Variants in IARS2 observed in about 807,000 individuals in gnomAD.
The protein encoded by IARS2 is isoleucine--tRNA ligase, mitochondrial.
Under a neutral mutation model 126.3 loss-of-function variants are expected in IARS2, and 56 were observed. The observed-to-expected ratio is 0.44, with a 90% confidence interval of 0.36 to 0.55. The LOEUF is 0.55. Ranked by LOEUF, IARS2 falls within the 20% of genes least tolerant of loss-of-function variation. The pLI, the probability that IARS2 is intolerant of heterozygous loss-of-function variation, is 0.00. For synonymous variants in IARS2, 407 were observed against 441.1 expected (o/e 0.92, Z 0.97); for missense variants, 1,127 against 1,245.9 (o/e 0.90, Z 1.44).
At chr1:220,104,309 CT>C (rs1656637200) in intron 8 of IARS2, among the ~76,000 whole-genome samples, 1 of 151,918 alleles carries the variant, frequency 6.6e-6, no homozygotes, top group South Asian at 2.1e-4. Context: ...TAATTTGGGA[CT>C]TTTGAGGTAG....
At chr1:220,117,263 C>T (rs1052957586) in intron 12 of IARS2, among the ~76,000 whole-genome samples, 3 of 142,086 alleles carry the variant, frequency 2.1e-5, no homozygotes, top group Non-Finnish European at 1.5e-5. Flanking sequence ...ACGATCTCAG[C>T]TCACTGCAAT....
At chr1:220,122,319 G>A (rs549808806) in intron 12 of IARS2, among the ~76,000 whole-genome samples, 2 of 152,258 alleles carry the variant, frequency 1.3e-5, no homozygotes, top group East Asian at 3.9e-4. Flanking sequence ...TGGACTTAGT[G>A]CTTGCTGTGT....
intron 10 of IARS2, among the ~76,000 whole-genome samples, chr1:220,109,061 C>T (rs543209277): frequency 1.0e-3 from 155 of 151,992 alleles, no homozygotes; most frequent in African/African-American, 3.6e-3. Context: ...GAAACCTTAT[C>T]GGAAAGTGGG....
intron 2 of IARS2, among the ~76,000 whole-genome samples, chr1:220,098,450 C>A (rs1051948535): frequency 3.9e-5 from 6 of 152,158 alleles, no homozygotes; most frequent in African/African-American, 1.4e-4. Context: ...AATGGTACCA[C>A]CCCCAGCCCC....
At chr1:220,138,613 A>G (rs1385662942) in intron 17 of IARS2, among the ~76,000 whole-genome samples, 1 of 151,602 alleles carries the variant, frequency 6.6e-6, no homozygotes, top group Non-Finnish European at 1.5e-5. Context: ...GATTATATTA[A>G]TTTTGTATAC....
intron 19 of IARS2, among the ~76,000 whole-genome samples, chr1:220,141,201 T>C (rs1657485934): frequency 6.6e-6 from 1 of 152,202 alleles, no homozygotes; most frequent in Non-Finnish European, 1.5e-5. Flanking sequence ...TCATCACTAC[T>C]AATATCAGAC....
At chr1:220,124,861 G>A (rs1463291470) in intron 12 of IARS2, among the ~76,000 whole-genome samples, 1 of 152,172 alleles carries the variant, frequency 6.6e-6, no homozygotes, top group Admixed American at 6.5e-5. Flanking sequence ...TAGTTTTGAG[G>A]GAATGAGGTT....
In IARS2 at chr1:220,143,091, T is replaced by C. The variant is rs1657521613; in HGVS notation, c.2708T>C (p.Val903Ala). The change falls in exon 21 of 23, where the codon GTT becomes GCT. Residue 903 changes from valine to alanine, a missense_variant. Transcript: ENST00000366922. The stretch of plus-strand genomic sequence containing the variant: ...GGCAAAAATGCAGCTGAGTACAAGG[T>C]TATCACTGTGATAGAACCTGGACTG... The part of the protein sequence containing the change: ...IPGKNAAEYK[V>A]ITVIEPGLLF... 6.2e-7 allele frequency: 1 copy of C among 1,613,950 alleles called. No homozygotes were observed. Among genetic ancestry groups the C allele is most frequent in the Non-Finnish European group, 8.5e-7 (1 of 1,179,958 alleles).
chr1:220,147,392 C>A, intron 22 of IARS2, 101 bp from the exon 23 acceptor site: 1 of 1,106,552 alleles, frequency 9.0e-7, no homozygotes, highest in Non-Finnish European at 1.3e-6. Flanking sequence ...TTTACCAAGG[C>A]AGGACAAAAG....
chr1:220,147,441 G>C, intron 22 of IARS2, 52 bp from the exon 23 acceptor site: 1 of 1,562,670 alleles, frequency 6.4e-7, no homozygotes, highest in South Asian at 1.1e-5. Context: ...TTAAGAAACA[G>C]TGTTACAAGT....
intron 11 of IARS2, among the ~76,000 whole-genome samples, chr1:220,113,130 G>A (rs1656844717): frequency 6.6e-6 from 1 of 152,138 alleles, no homozygotes; most frequent in Non-Finnish European, 1.5e-5. Context: ...CTCCCAAAGT[G>A]CTGGGATTAC....
At chr1:220,115,602 A>T (rs1656898341) in intron 12 of IARS2, among the ~76,000 whole-genome samples, 1 of 152,024 alleles carries the variant, frequency 6.6e-6, no homozygotes, top group Non-Finnish European at 1.5e-5. Context: ...TAAGTGATTT[A>T]TAGTAAATTT....
In IARS2 at chr1:220,094,423, G is replaced by C; in HGVS notation, c.207G>C (p.Thr69=). The part of the protein sequence containing the change: ...RYRDTVLLPQ[T]SFPMKLLGRQ... Reference sequence around the variant, plus strand: ...GGGACACGGTGCTGCTGCCGCAGACGAGCTTCCCCATGAAGCTGCTGGGCC... The same window carrying C: ...GGGACACGGTGCTGCTGCCGCAGACCAGCTTCCCCATGAAGCTGCTGGGCC... The change falls in exon 1 of 23, where the codon ACG becomes ACC. Residue 69 remains threonine (T), a synonymous_variant. Transcript: ENST00000366922. 6.2e-7 allele frequency: 1 copy of C among 1,611,858 alleles called. No individual in the cohort carries two copies. The highest frequency in any genetic ancestry group is 8.5e-7 in the Non-Finnish European group (1 of 1,179,422).
At chr1:220,102,332 A>G (rs773738046) in intron 4 of IARS2, 31 bp from the exon 5 acceptor site, 9 of 1,609,956 alleles carry the variant, frequency 5.6e-6, no homozygotes, top group Middle Eastern at 1.7e-4. Context: ...ACAAGATTCT[A>G]CTTTTAACAT....
intron 22 of IARS2, among the ~76,000 whole-genome samples, chr1:220,146,517 C>CAAAAAAA (rs1186000971): frequency 6.0e-4 from 37 of 62,006 alleles, no homozygotes; most frequent in African/African-American, 1.2e-3. Context: ...GACTCCGTCT[C>CAAAAAAA]AAAAAAAAAA....
At chr1:220,116,995 C>T (rs1656925358) in intron 12 of IARS2, among the ~76,000 whole-genome samples, 1 of 151,986 alleles carries the variant, frequency 6.6e-6, no homozygotes, top group Admixed American at 6.6e-5. Flanking sequence ...ATCCATCCAC[C>T]TCTGCCTCCC....
intron 22 of IARS2, among the ~76,000 whole-genome samples, chr1:220,146,177 A>G (rs534619359): frequency 3.9e-5 from 6 of 152,152 alleles, no homozygotes; most frequent in Non-Finnish European, 8.8e-5. Flanking sequence ...AAGATTTTAA[A>G]AGTCAGTCTG....
At chr1:220,105,856 A>C in intron 8 of IARS2, 35 bp from the exon 9 acceptor site, 1 of 1,586,318 alleles carries the variant, frequency 6.3e-7, no homozygotes, top group Non-Finnish European at 8.7e-7. Flanking sequence ...TTGCCATATA[A>C]AATGATTCTT....
chr1:220,137,815 A>C (rs1385438871), intron 16 of IARS2, 103 bp from the exon 17 acceptor site: 2 of 1,293,894 alleles, frequency 1.5e-6, no homozygotes, highest in African/African-American at 2.9e-5. Context: ...TTGTACTTAC[A>C]TTGTGCTCAA....
Sources: allele counts gnomAD v4.1 joint callset (sites outside exome capture counted in the v4.1 genomes callset), GRCh38; gene constraint gnomAD v4.1.1; transcripts MANE v1.5; gene names NCBI Gene and HGNC (gene_info 2026-07-23, HGNC 2026-07-21).